MRM1: variants seen among roughly 807,000 people sequenced by gnomAD.
MRM1 encodes the protein mitochondrial rRNA methyltransferase 1.
In MRM1, 24 loss-of-function variants were observed where a neutral mutation model predicts 25.0. The observed-to-expected ratio is 0.96, with a 90% CI of 0.69 to 1.35. The LOEUF (loss-of-function observed/expected upper bound fraction) is 1.35. MRM1 is among the 40% of genes most tolerant of loss of function. The pLI is 0.00. For synonymous variants in MRM1, 188 were observed against 199.2 expected (o/e 0.94, Z 0.47); for missense variants, 431 against 464.1 (o/e 0.93, Z 0.65).
intron 2 of MRM1, among the ~76,000 whole-genome samples, chr17:36,606,836 C>G (rs1010224736): frequency 6.6e-6 from 1 of 151,874 alleles, no homozygotes; most frequent in East Asian, 1.9e-4. Flanking sequence ...GTCTCAAACT[C>G]CTGACCTCAG....
At chr17:36,613,427 C>T (rs545291536), downstream of MRM1, among the ~76,000 whole-genome samples, 118 of 152,294 alleles carry the variant, frequency 7.7e-4, 1 homozygote, top group Non-Finnish European at 1.4e-3. Context: ...ACATGGGGCT[C>T]CACTGCAGAG....
chr17:36,612,894 G>T (rs1323982574), downstream of MRM1, among the ~76,000 whole-genome samples: 1 of 152,118 alleles, frequency 6.6e-6, no homozygotes, highest in South Asian at 2.1e-4. Context: ...CAGGGTGCTG[G>T]GTTGTGCTTC....
At chr17:36,603,018 T>A (rs563992324) in intron 2 of MRM1, 1 of 985,166 alleles carries the variant, frequency 1.0e-6, no homozygotes, top group Admixed American at 6.1e-5. Context: ...CTTGAAAGGA[T>A]GTTTGAACAA....
chr17:36,616,298 C>G, the MRM1 span, among the ~76,000 whole-genome samples: 1 of 152,168 alleles, frequency 6.6e-6, no homozygotes, highest in African/African-American at 2.4e-5. Context: ...CGCCTCCAGC[C>G]GGCCTTGACC....
intron 2 of MRM1, among the ~76,000 whole-genome samples, chr17:36,603,907 G>T (rs35712149): frequency 0.3 from 46,131 of 152,006 alleles, 8,358 homozygotes; most frequent in Non-Finnish European, 0.41. Flanking sequence ...AGGAGATGAG[G>T]TTCCCACTCA....
In MRM1 at chr17:36,608,501, C is replaced by G. The variant is rs141422978; in HGVS notation, c.*86C>G. ...GCTCCAGTGTGCGGGGAGCCTCTGC[C>G]TGAGTGTGCACCAGGCCCATGTTTA... On this transcript the variant is annotated 3_prime_UTR_variant, in exon 5 of 5. Transcript: ENST00000614766. The G allele has an allele frequency of 9.5e-3, 9,951 of 1,046,178 alleles. 69 individuals are homozygous for G. The highest frequency in any genetic ancestry group is 9.5e-3 in the Non-Finnish European group (7,182 of 760,000). 64.8% of individuals were successfully genotyped at this position (1,046,178 alleles called of 1,614,324 possible).
At chr17:36,607,007 C>T (rs1445712640) in intron 2 of MRM1, among the ~76,000 whole-genome samples, 4 of 151,730 alleles carry the variant, frequency 2.6e-5, no homozygotes, top group East Asian at 2.0e-4. Context: ...CTCTGCCTCC[C>T]GAGTTCAAGC....
At position 36,602,908 on chromosome 17, in the gene MRM1, C is replaced by T; in HGVS notation, c.636+262C>T. ...CTTTGCCTCTTCTGTAAGTCAGCCT[C>T]AGTGTCTATTTGCCTACTAGGTCGG... On this transcript the variant is annotated intron_variant, in intron 2 of 4. Coordinates refer to ENST00000614766, the MANE Select transcript of MRM1 (RefSeq NM_024864.5). The surrounding 1 kb of genome is among the most constrained non-coding windows in gnomAD (Gnocchi z 4.1). The T allele has an allele frequency of 3.0e-6, 3 of 984,302 alleles. No homozygotes were observed. The highest frequency in any genetic ancestry group is 3.6e-6 in the Non-Finnish European group (3 of 828,898). The allele number at this position is 984,302 out of a possible 1,614,324, so 61.0% of individuals were successfully genotyped here.
chr17:36,602,775 C>A lies in MRM1; in HGVS notation c.636+129C>A. On this transcript the variant is annotated intron_variant, in intron 2 of 4. Coordinates refer to ENST00000614766, the MANE Select transcript of MRM1 (RefSeq NM_024864.5). The surrounding 1 kb of genome is among the most constrained non-coding windows in gnomAD (Gnocchi z 4.1). ...CCGCTTCCTTTGGCCTTCTAAATCC[C>A]TCTGGGGATGGAAGGGTCCTGGAGT... 2.3e-6 allele frequency: 3 copies of A among 1,285,428 alleles called. No individual in the cohort carries two copies. Among genetic ancestry groups the A allele is most frequent in the Admixed American group, 2.2e-5 (1 of 45,854 alleles). The allele number at this position is 1,285,428 out of a possible 1,614,324, so 79.6% of individuals were successfully genotyped here.
intron 2 of MRM1, chr17:36,603,251 C>T (rs1402333760): frequency 1.0e-6 from 1 of 982,132 alleles, no homozygotes; most frequent in African/African-American, 1.8e-5. Flanking sequence ...TCTAGAACAA[C>T]GCTGTCCAAT....
At chr17:36,627,674 GTTTTTTTTTTT>G in the MRM1 span, among the ~76,000 whole-genome samples, 6 of 83,728 alleles carry the variant, frequency 7.2e-5, no homozygotes, top group South Asian at 4.7e-4. Flanking sequence ...TTTGGACACT[GTTTTTTTTTTT>G]TTTTTTTTTT....
the MRM1 span, among the ~76,000 whole-genome samples, chr17:36,618,627 G>A: frequency 2.0e-5 from 3 of 152,162 alleles, no homozygotes; most frequent in African/African-American, 4.8e-5. Context: ...GAGAGGTCAC[G>A]GAAATAGAGG....
In MRM1 at chr17:36,602,059, G is replaced by A; in HGVS notation, c.249G>A (p.Gly83=). The part of the protein sequence containing the change: ...LLQAGKAGLQ[G]KRAELLRMAE... ...AGGCGGGTAAAGCTGGGCTGCAGGG[G>A]AAGCGGGCCGAGCTGCTCCGGATGG... Residue 83 remains glycine (G), a synonymous_variant, in exon 1 of 5, where the codon GGG becomes GGA. Coordinates refer to ENST00000614766, the MANE Select transcript of MRM1 (RefSeq NM_024864.5). The surrounding 1 kb of genome is among the most constrained non-coding windows in gnomAD (Gnocchi z 4.1). 1 of 1,609,958 alleles carries A rather than the reference G, an allele frequency of 6.2e-7. No individual in the cohort carries two copies. The highest frequency in any genetic ancestry group is 1.7e-4 in the Middle Eastern group (1 of 6,050).
At chr17:36,618,924 T>A in the MRM1 span, among the ~76,000 whole-genome samples, 1 of 152,188 alleles carries the variant, frequency 6.6e-6, no homozygotes, top group Non-Finnish European at 1.5e-5. Context: ...GCTTTTGTTG[T>A]TATTGTCTTA....
Position 36,601,708 on chromosome 17 carries a change from T to C in MRM1, c.-103T>C. 8.1e-7 allele frequency: 1 copy of C among 1,231,114 alleles called. No individual in the cohort carries two copies. The highest frequency in any genetic ancestry group is 1.5e-5 in the South Asian group (1 of 65,456). The allele number at this position is 1,231,114 out of a possible 1,614,324, so 76.3% of individuals were successfully genotyped here. ...GAGCTCGGCGGAGACGGCTGTCGAG[T>C]ACCCTTCACCTCGGTGTTGGGAGCC... On this transcript the variant is annotated 5_prime_UTR_variant, in exon 1 of 5. Transcript: ENST00000614766.
chr17:36,608,986 C>T (rs1017202301), downstream of MRM1: 2 of 152,556 alleles, frequency 1.3e-5, no homozygotes, highest in Admixed American at 6.5e-5. Flanking sequence ...CTGGCCAATT[C>T]CTCCGTTAGG....
chr17:36,627,686 T>TG, the MRM1 span, among the ~76,000 whole-genome samples: 1 of 147,356 alleles, frequency 6.8e-6, no homozygotes, highest in Non-Finnish European at 1.5e-5. Context: ...TTTTTTTTTT[T>TG]TTTTTTTTTT....
the MRM1 span, among the ~76,000 whole-genome samples, chr17:36,617,772 G>A: frequency 2.6e-5 from 4 of 152,206 alleles, no homozygotes; most frequent in East Asian, 3.9e-4. Flanking sequence ...CCTAGCCTGG[G>A]GTCTGGCTTC....
intron 2 of MRM1, 40 bp from the exon 3 acceptor site, chr17:36,607,630 A>G: frequency 6.3e-7 from 1 of 1,578,454 alleles, no homozygotes; most frequent in Non-Finnish European, 8.6e-7. Flanking sequence ...CAAAATTAAA[A>G]TAAAAAAAGA....
Sources: gnomAD v4.1 joint callset for allele counts (sites outside exome capture counted in the v4.1 genomes callset) on GRCh38, gnomAD v4.1.1 for gene constraint, Gnocchi (gnomAD v3.1) non-coding constraint, MANE v1.5 for transcripts, NCBI Gene and HGNC (gene_info 2026-07-23, HGNC 2026-07-21) for gene names.